Variants in TMEM129 observed in about 807,000 individuals in gnomAD.
TMEM129 encodes the protein transmembrane protein 129, E3 ubiquitin ligase.
In TMEM129, 35 loss-of-function variants were observed where a neutral mutation model predicts 34.1. That is an observed-to-expected ratio of 1.03 (90% CI 0.78 to 1.36). TMEM129 has a LOEUF of 1.36. Among genes scored for constraint, TMEM129 ranks in the 40% most tolerant of loss-of-function variants. The pLI is 0.00. For synonymous variants in TMEM129, 239 were observed against 217.3 expected, an observed-to-expected ratio of 1.10 and a Z score of -0.88; for missense variants, 504 against 512.6, an observed-to-expected ratio of 0.98 and a Z score of 0.16.
intron 1 of TMEM129, chr4:1,719,187 T>C (rs1366088243): frequency 1.8e-6 from 1 of 571,016 alleles, no homozygotes; most frequent in African/African-American, 1.9e-5. Context: ...CAGGTTCCAG[T>C]TGGCAAAAAG....
rs1717246675 is a variant in TMEM129 at position 1,720,467 on chromosome 4, A to G, written c.205+166T>C. Among the ~76,000 whole-genome samples the G allele has an allele frequency of 6.6e-6, 1 of 152,204 alleles. No individual in the cohort carries two copies. The highest frequency in any genetic ancestry group is 2.4e-5 in the African/African-American group (1 of 41,448). On this transcript the variant is annotated intron_variant, in intron 1 of 3. Coordinates refer to ENST00000382936, the MANE Select transcript of TMEM129 (RefSeq NM_001127266.2). This position sits in a 1 kb window ranked among gnomAD's most constrained non-coding sequence, Gnocchi z 4.4. ...CAAGTCAGTGCCGGCGGCGCCCCTA[A>G]GCGCGCTCAGCCCACGCCGCGGTCC...
rs146061706 is a variant in TMEM129 at position 1,718,392 on chromosome 4, G to C, written c.440C>G (p.Thr147Ser). Residue 147 changes from threonine (T) to serine (S), a missense_variant, in exon 2 of 4, where the codon ACT (threonine) becomes AGT (serine). Transcript: ENST00000382936. The stretch of plus-strand genomic sequence containing the variant: ...AAACTTGTCAATCCGCCGGAACTCA[G>C]TGTTGACAGAGGAGGCAACAGCCTG... ...GWQAVASSVNTEFRRIDKFAT... is the reference protein window; with the variant it reads ...GWQAVASSVNSEFRRIDKFAT... The C allele has an allele frequency of 8.5e-4, 1,364 of 1,609,672 alleles. 10 individuals carry two copies. In the African/African-American group the frequency reaches 0.017, roughly 20 times the overall value.
Position 1,716,471 on chromosome 4 carries a change from A to C in TMEM129, c.*709T>G, listed in dbSNP as rs1716965086. On this transcript the variant is annotated 3_prime_UTR_variant, in exon 4 of 4. Coordinates refer to ENST00000382936, the MANE Select transcript of TMEM129 (RefSeq NM_001127266.2). ...GCTATGGCACTTTGGTCCTCAACTC[A>C]AACCCCCACCCCTACCCAGGAGTCT... 1 of 152,268 alleles carries C rather than the reference A, an allele frequency of 6.6e-6. No homozygotes were observed. Among genetic ancestry groups the C allele is most frequent in the African/African-American group, 2.4e-5 (1 of 41,390 alleles). 9.4% of individuals were successfully genotyped at this position (152,268 alleles called of 1,614,324 possible).
chr4:1,721,315 G>C lies in TMEM129; in HGVS notation c.-478C>G, dbSNP rs553390008. ...GGGCGACTGCGAGCCCGGGGTCTCA[G>C]CTTCAGACACCCTGGCGTGCCCTCC... On this transcript the variant is annotated 5_prime_UTR_variant, in exon 1 of 4. Transcript: ENST00000382936. 7.2e-6 allele frequency: 1 copy of C among 139,620 alleles called. No individual in the cohort carries two copies. The highest frequency in any genetic ancestry group is 2.6e-5 in the African/African-American group (1 of 38,116). The allele number at this position is 139,620 out of a possible 1,614,324, so 8.6% of individuals were successfully genotyped here.
chr4:1,718,721 G>C, intron 1 of TMEM129, 95 bp from the exon 2 acceptor site: 1 of 1,421,750 alleles, frequency 7.0e-7, no homozygotes, highest in Non-Finnish European at 9.1e-7. Context: ...CCGGGTTCCA[G>C]GGTCAGCTCC....
rs1269615581 is a variant in TMEM129, at chr4:1,718,491, C to T, written c.341G>A (p.Trp114Ter). Reference protein sequence around the residue: ...PSIACILIYYWSRDRWACHPL... With the variant: ...PSIACILIYY ...GTGGCAGGCCCACCGGTCACGGGAC[C>T]AGTAGTAGATCAGGATGCAGGCGAT... Residue 114 changes from tryptophan to a stop codon, truncating the protein, a stop_gained, in exon 2 of 4, where the codon TGG (tryptophan) becomes TAG (stop). Coordinates refer to ENST00000382936, the MANE Select transcript of TMEM129 (RefSeq NM_001127266.2). LOFTEE classifies it high-confidence loss of function. 1 of 1,547,802 alleles carries T rather than the reference C, an allele frequency of 6.5e-7. No homozygotes were observed. Among genetic ancestry groups the T allele is most frequent in the Non-Finnish European group, 8.7e-7 (1 of 1,144,094 alleles).
chr4:1,719,622 C>G (rs993871395), intron 1 of TMEM129, among the ~76,000 whole-genome samples: 66 of 152,250 alleles, frequency 4.3e-4, no homozygotes, highest in Admixed American at 2.4e-3. Flanking sequence ...GACTGTGAGG[C>G]CAGCTGTGCT....
chr4:1,720,986 GC>G lies in TMEM129; in HGVS notation c.-150del, dbSNP rs1717302354. 1 of 347,294 alleles carries G rather than the reference GC, an allele frequency of 2.9e-6. No homozygotes were observed. The highest frequency in any genetic ancestry group is 5.2e-6 in the Non-Finnish European group (1 of 191,522). The allele number at this position is 347,294 out of a possible 1,614,324, so 21.5% of individuals were successfully genotyped here. On this transcript the variant is annotated 5_prime_UTR_variant, in exon 1 of 4. Coordinates refer to ENST00000382936, the MANE Select transcript of TMEM129 (RefSeq NM_001127266.2). The surrounding 1 kb of genome is among the most constrained non-coding windows in gnomAD (Gnocchi z 4.4). ...GGACATGGAGTCCCGCCGCCCGGCC[GC>G]CCGCGGGGCACTCTAGGACATGGAG... is the stretch of plus-strand genomic sequence containing the variant.
At position 1,720,265 on chromosome 4, in the gene TMEM129, G is replaced by GC. The variant is rs1431474925; in HGVS notation, c.205+367dup. 6.6e-6 allele frequency among the ~76,000 whole-genome samples: 1 copy of GC among 152,152 alleles called. No homozygotes were observed. Among genetic ancestry groups the GC allele is most frequent in the East Asian group, 1.9e-4 (1 of 5,188 alleles). On this transcript the variant is annotated intron_variant, in intron 1 of 3. Transcript: ENST00000382936. This position sits in a 1 kb window ranked among gnomAD's most constrained non-coding sequence, Gnocchi z 4.4. ...CTAGTGCAGTGCCACCCTCCACACA[G>GC]CCCCTCCGACCCCTTCCGTTGGACT...
In TMEM129 at chr4:1,717,431, G is replaced by T; in HGVS notation, c.841-3C>A. ...CAGCCTATGCAGGCCTCCAGCTCCTGCGGGCAGGTGGAGCGTCACCAGGAG... is the reference window on the plus strand; with the variant it reads ...CAGCCTATGCAGGCCTCCAGCTCCTTCGGGCAGGTGGAGCGTCACCAGGAG... On this transcript the variant is annotated splice_polypyrimidine_tract_variant and splice_region_variant and intron_variant, in intron 3 of 3. Coordinates refer to ENST00000382936, the MANE Select transcript of TMEM129 (RefSeq NM_001127266.2). 3 of 1,511,442 alleles carry T rather than the reference G, an allele frequency of 2.0e-6. No homozygotes were observed. The highest frequency in any genetic ancestry group is 2.7e-6 in the Non-Finnish European group (3 of 1,118,232). 93.6% of individuals were successfully genotyped at this position (1,511,442 alleles called of 1,614,324 possible).
At chr4:1,719,922 TG>T (rs1717197029) in intron 1 of TMEM129, among the ~76,000 whole-genome samples, 1 of 152,056 alleles carries the variant, frequency 6.6e-6, no homozygotes, top group South Asian at 2.1e-4. Context: ...ATCCCCAGAG[TG>T]GCAAACCTGG....
In TMEM129 at chr4:1,721,033, C is replaced by T. The variant is rs991455186; in HGVS notation, c.-196G>A. 1.9e-5 allele frequency: 6 copies of T among 312,822 alleles called. No homozygotes were observed. Among genetic ancestry groups the T allele is most frequent in the African/African-American group, 1.4e-4 (6 of 44,236 alleles). 19.4% of individuals were successfully genotyped at this position (312,822 alleles called of 1,614,324 possible). ...TGGAGTCCCGCCGCCCGGCCGCCCGCGGGGCACTCTAGGACATGGAGTCCC... is the reference window on the plus strand; with the variant it reads ...TGGAGTCCCGCCGCCCGGCCGCCCGTGGGGCACTCTAGGACATGGAGTCCC... On this transcript the variant is annotated 5_prime_UTR_variant, in exon 1 of 4. Coordinates refer to ENST00000382936, the MANE Select transcript of TMEM129 (RefSeq NM_001127266.2).
chr4:1,720,937 CCCGGCCGCCCGCGGGGCA>C lies in TMEM129; in HGVS notation c.-118_-101del. Reference sequence around the variant, plus strand: ...GACCTGTCGGTTGCGGCGGCCGCCGCCCGGCCGCCCGCGGGGCACTCTAGGACATGGAGTCCCGCCGCC... The same window carrying C: ...GACCTGTCGGTTGCGGCGGCCGCCGCCTCTAGGACATGGAGTCCCGCCGCC... On this transcript the variant is annotated 5_prime_UTR_variant, in exon 1 of 4. Coordinates refer to ENST00000382936, the MANE Select transcript of TMEM129 (RefSeq NM_001127266.2). This position sits in a 1 kb window ranked among gnomAD's most constrained non-coding sequence, Gnocchi z 4.4. 9.5e-7 allele frequency: 1 copy of C among 1,051,784 alleles called. No homozygotes were observed. The highest frequency in any genetic ancestry group is 1.2e-6 in the Non-Finnish European group (1 of 804,602). The allele number at this position is 1,051,784 out of a possible 1,614,324, so 65.2% of individuals were successfully genotyped here. A position where few individuals can be genotyped will look rare whatever the true frequency, so the allele number is the denominator to read the frequency against.
At position 1,716,423 on chromosome 4, in the gene TMEM129, G is replaced by C. The variant is rs932471659; in HGVS notation, c.*757C>G. On this transcript the variant is annotated 3_prime_UTR_variant, in exon 4 of 4. Coordinates refer to ENST00000382936, the MANE Select transcript of TMEM129 (RefSeq NM_001127266.2). ...AGTGGGTAGCCTGGGCTGGACCCCT[G>C]GTGGGCTTGTGTTCTGGATGTCGCT... 3 of 152,394 alleles carry C rather than the reference G, an allele frequency of 2.0e-5. No individual in the cohort carries two copies. Among genetic ancestry groups the C allele is most frequent in the African/African-American group, 7.2e-5 (3 of 41,454 alleles). The allele number at this position is 152,394 out of a possible 1,614,324, so 9.4% of individuals were successfully genotyped here.
intron 2 of TMEM129, 35 bp downstream of exon 2, chr4:1,718,117 T>C: frequency 6.7e-7 from 1 of 1,498,066 alleles, no homozygotes; most frequent in Non-Finnish European, 8.9e-7. Flanking sequence ...GCCTGCCATG[T>C]GCCCTCCGCA....
chr4:1,720,792 C>A lies in TMEM129; in HGVS notation c.46G>T (p.Ala16Ser), dbSNP rs868168700. ...TTGGGCGTGAACACGAAGCACACGG[C>A]GAACACCAGATAGGCGAGAGTGAAG... ...VTFTLAYLVF[A>S]VCFVFTPNEF... is the part of the protein sequence containing the mutation. Residue 16 changes from alanine to serine, a missense_variant, in exon 1 of 4, where the codon GCC becomes TCC. Ala to Ser is a moderately conservative substitution (Grantham distance 99, BLOSUM62 1). Coordinates refer to ENST00000382936, the MANE Select transcript of TMEM129 (RefSeq NM_001127266.2). This position sits in a 1 kb window ranked among gnomAD's most constrained non-coding sequence, Gnocchi z 4.4. 1 of 1,595,668 alleles carries A rather than the reference C, an allele frequency of 6.3e-7. No individual in the cohort carries two copies. The highest frequency in any genetic ancestry group is 8.5e-7 in the Non-Finnish European group (1 of 1,172,316).
chr4:1,719,420 G>A (rs529610912), intron 1 of TMEM129, among the ~76,000 whole-genome samples: 10 of 152,162 alleles, frequency 6.6e-5, no homozygotes, highest in East Asian at 1.9e-4. Flanking sequence ...GCGTGGTGGC[G>A]GGCGCCTGTA....
chr4:1,719,384 A>G (rs1055261115), intron 1 of TMEM129, among the ~76,000 whole-genome samples: 1 of 152,010 alleles, frequency 6.6e-6, no homozygotes, highest in Admixed American at 6.5e-5. Context: ...CCCCATCTCC[A>G]CTAAAAAATA....
At chr4:1,718,901 C>G in intron 1 of TMEM129, 4 of 1,324,206 alleles carry the variant, frequency 3.0e-6, no homozygotes, top group Non-Finnish European at 3.9e-6. Flanking sequence ...GAAAAATAAA[C>G]ACAATCAGGT....
Sources: allele counts gnomAD v4.1 joint callset (sites outside exome capture counted in the v4.1 genomes callset), GRCh38; gene constraint gnomAD v4.1.1; non-coding constraint Gnocchi (gnomAD v3.1); transcripts MANE v1.5; gene names NCBI Gene and HGNC (gene_info 2026-07-23, HGNC 2026-07-21).